WDR27: variants seen among roughly 807,000 people sequenced by gnomAD.
The protein encoded by WDR27 is WD repeat domain 27, also known as WD repeat-containing protein 27.
WDR27 carries 100 observed loss-of-function variants against 114.4 expected under a neutral mutation model. That is an observed-to-expected ratio of 0.87 (90% CI 0.74 to 1.03). WDR27 has a LOEUF of 1.03. Among genes scored for constraint, WDR27 ranks in the 50% least tolerant of loss-of-function variants. WDR27 has a pLI of 0.00. For synonymous variants in WDR27, 449 were observed against 423.1 expected, an observed-to-expected ratio of 1.06 and a Z score of -0.75; for missense variants, 1,129 against 1,092.9, an observed-to-expected ratio of 1.03 and a Z score of -0.47.
intron 25 of WDR27, among the ~76,000 whole-genome samples, chr6:169,527,253 A>G (rs1057160040): frequency 6.6e-6 from 1 of 152,244 alleles, no homozygotes; most frequent in Non-Finnish European, 1.5e-5. Flanking sequence ...AAATACTACA[A>G]CAGATAAATG....
chr6:169,488,119 G>A (rs987251372), intron 25 of WDR27, among the ~76,000 whole-genome samples: 101 of 152,294 alleles, frequency 6.6e-4, no homozygotes, highest in African/African-American at 2.3e-3. Context: ...TGGCATAAAG[G>A]CACAGAAACC....
At chr6:169,636,924 C>T (rs564850274) in intron 18 of WDR27, among the ~76,000 whole-genome samples, 25 of 152,236 alleles carry the variant, frequency 1.6e-4, no homozygotes, top group Non-Finnish European at 2.9e-4. Context: ...CTTCCTGAAG[C>T]TGCTGCCAAA....
intron 16 of WDR27, among the ~76,000 whole-genome samples, chr6:169,645,036 T>TAAAAAAAAAAAAAAAAAAAAAAAAAAAAC (rs369797685): frequency 1.3e-5 from 1 of 76,926 alleles, no homozygotes; most frequent in Non-Finnish European, 2.5e-5. Flanking sequence ...AAAAAAAAAA[T>TAAAAAAAAAAAAAAAAAAAAAAAAAAAAC]AAAAAAAAAA....
intron 25 of WDR27, among the ~76,000 whole-genome samples, chr6:169,552,296 C>T (rs778054134): frequency 5.3e-5 from 8 of 152,130 alleles, no homozygotes; most frequent in Non-Finnish European, 1.0e-4. Flanking sequence ...TTAATAAGCA[C>T]GTAGATGACC....
At chr6:169,453,397 A>C (rs919406479), downstream of WDR27, among the ~76,000 whole-genome samples, 1 of 152,138 alleles carries the variant, frequency 6.6e-6, no homozygotes, top group Non-Finnish European at 1.5e-5. Context: ...GGAAAAAAAA[A>C]AGAGTAAGTC....
At chr6:169,470,880 A>G (rs1297546546) in intron 25 of WDR27, among the ~76,000 whole-genome samples, 3 of 152,148 alleles carry the variant, frequency 2.0e-5, no homozygotes, top group Non-Finnish European at 4.4e-5. Context: ...CAAAAGTGGC[A>G]TTCTGCTCTC....
At chr6:169,644,454 C>T (rs1819993659) in intron 16 of WDR27, among the ~76,000 whole-genome samples, 2 of 149,970 alleles carry the variant, frequency 1.3e-5, no homozygotes, top group East Asian at 2.0e-4. Context: ...GCCTAGTTCA[C>T]AGGAGTCACA....
At chr6:169,487,439 C>G (rs537033068) in intron 25 of WDR27, among the ~76,000 whole-genome samples, 1 of 152,110 alleles carries the variant, frequency 6.6e-6, no homozygotes, top group African/African-American at 2.4e-5. Flanking sequence ...ACAGAAGGTG[C>G]GTGCTCACCC....
chr6:169,694,575 C>A (rs1344928983), intron 1 of WDR27, among the ~76,000 whole-genome samples: 1 of 152,208 alleles, frequency 6.6e-6, no homozygotes, highest in Non-Finnish European at 1.5e-5. Context: ...TAAAAAATAA[C>A]ATTGAAAAAT....
chr6:169,434,602 G>T, the WDR27 span, among the ~76,000 whole-genome samples: 2 of 152,078 alleles, frequency 1.3e-5, no homozygotes, highest in African/African-American at 4.8e-5. Flanking sequence ...TTAGCAAAGA[G>T]ACCTGTGGCA....
intron 24 of WDR27, among the ~76,000 whole-genome samples, chr6:169,575,415 TCCATCCATCCAC>T (rs140265014): frequency 0.39 from 36,702 of 94,818 alleles, 7,406 homozygotes; most frequent in Non-Finnish European, 0.54. Context: ...CATCCATCCA[TCCATCCATCCAC>T]CCACCATCAC....
chr6:169,569,536 T>C (rs1263782696), intron 25 of WDR27, among the ~76,000 whole-genome samples: 1 of 152,214 alleles, frequency 6.6e-6, no homozygotes, highest in Non-Finnish European at 1.5e-5. Flanking sequence ...CTTAATCAAT[T>C]ATTAAAAATC....
chr6:169,690,781 G>A (rs557791386), intron 1 of WDR27, among the ~76,000 whole-genome samples: 2 of 152,314 alleles, frequency 1.3e-5, no homozygotes, highest in East Asian at 1.9e-4. Context: ...TGACATTCCA[G>A]TGCAAGGTGT....
intron 2 of WDR27, among the ~76,000 whole-genome samples, chr6:169,675,593 T>A (rs192772879): frequency 6.6e-6 from 1 of 152,260 alleles, no homozygotes; most frequent in East Asian, 1.9e-4. Flanking sequence ...TCAAATACAC[T>A]TAAGAAATAC....
intron 23 of WDR27, among the ~76,000 whole-genome samples, chr6:169,595,068 G>A (rs1806504840): frequency 6.6e-6 from 1 of 152,238 alleles, no homozygotes; most frequent in South Asian, 2.1e-4. Flanking sequence ...TGGAAGGCTG[G>A]GGCAAGAGGA....
intron 22 of WDR27, among the ~76,000 whole-genome samples, chr6:169,611,496 C>T (rs760964360): frequency 2.9e-4 from 44 of 151,616 alleles, no homozygotes; most frequent in Non-Finnish European, 5.6e-4. Context: ...AGTAGAGATG[C>T]GGTTTCACCA....
intron 13 of WDR27, chr6:169,657,680 A>C (rs1380090265): frequency 1.3e-5 from 2 of 152,796 alleles, no homozygotes; most frequent in Non-Finnish European, 2.9e-5. Context: ...TCTTAAAGTG[A>C]AAGTTAATTT....
chr6:169,611,113 A>T (rs1810425225), intron 22 of WDR27, among the ~76,000 whole-genome samples: 1 of 152,148 alleles, frequency 6.6e-6, no homozygotes, highest in African/African-American at 2.4e-5. Flanking sequence ...CCATGAATGG[A>T]GCTTGCAGGA....
At chr6:169,677,309 A>G (rs1191630667) in intron 2 of WDR27, among the ~76,000 whole-genome samples, 1 of 152,282 alleles carries the variant, frequency 6.6e-6, no homozygotes, top group Non-Finnish European at 1.5e-5. Flanking sequence ...ATGCCACAGC[A>G]AAGAGCTTGG....
Sources: gnomAD v4.1 joint callset for allele counts (sites outside exome capture counted in the v4.1 genomes callset) on GRCh38, gnomAD v4.1.1 for gene constraint, MANE v1.5 for transcripts, NCBI Gene and HGNC (gene_info 2026-07-23, HGNC 2026-07-21) for gene names.